PID1: variants seen among roughly 807,000 people sequenced by gnomAD.
PID1 encodes phosphotyrosine interaction domain containing 1.
In PID1, 10 loss-of-function variants were observed where a neutral mutation model predicts 19.1. That is an observed-to-expected ratio of 0.52 (90% confidence interval 0.32 to 0.89). The LOEUF is 0.89. PID1 is among the 40% of genes least tolerant of loss of function. The pLI is 0.03. For missense variants in PID1, 248 were observed against 285.3 expected (o/e 0.87, Z 0.94); for synonymous variants, 130 against 116.0 (o/e 1.12, Z -0.78).
intron 2 of PID1, among the ~76,000 whole-genome samples, chr2:229,102,457 C>T (rs149089290): frequency 6.6e-6 from 1 of 152,252 alleles, no homozygotes; most frequent in East Asian, 1.9e-4. Context: ...AGAGGAAGAA[C>T]CATGTGGGCC....
intron 1 of PID1, among the ~76,000 whole-genome samples, chr2:229,157,801 C>T (rs918266233): frequency 6.6e-6 from 1 of 152,168 alleles, no homozygotes. Flanking sequence ...CATCCTTTCC[C>T]GCTTGTATTA....
intron 1 of PID1, among the ~76,000 whole-genome samples, chr2:229,191,149 T>C (rs1380321448): frequency 3.3e-5 from 5 of 152,164 alleles, no homozygotes; most frequent in Non-Finnish European, 5.9e-5. Context: ...CCTGGATGTA[T>C]TGGGTGTGTA....
At chr2:229,031,344 G>A (rs1043959188) in intron 2 of PID1, among the ~76,000 whole-genome samples, 4 of 152,078 alleles carry the variant, frequency 2.6e-5, no homozygotes, top group African/African-American at 9.6e-5. Flanking sequence ...GATCACTTGA[G>A]GTCAGGAGTT....
intron 2 of PID1, among the ~76,000 whole-genome samples, chr2:229,128,336 T>G (rs912564479): frequency 2.6e-5 from 4 of 152,246 alleles, no homozygotes; most frequent in African/African-American, 4.8e-5. Flanking sequence ...TTGGTCCAAA[T>G]AGTGACACTG....
chr2:229,256,667 T>C (rs1473629003), intron 1 of PID1, among the ~76,000 whole-genome samples: 1 of 152,214 alleles, frequency 6.6e-6, no homozygotes, highest in Admixed American at 6.5e-5. Context: ...GGACACACTT[T>C]GGGAAACAGC....
chr2:229,252,173 C>T (rs1443189294), intron 1 of PID1, among the ~76,000 whole-genome samples: 1 of 151,970 alleles, frequency 6.6e-6, no homozygotes, highest in African/African-American at 2.4e-5. Flanking sequence ...CAGCAGTTAG[C>T]AAGAGAGTTC....
chr2:229,069,740 G>A (rs1694414322), intron 2 of PID1, among the ~76,000 whole-genome samples: 1 of 152,144 alleles, frequency 6.6e-6, no homozygotes, highest in Non-Finnish European at 1.5e-5. Flanking sequence ...GTACAAACAG[G>A]TGTCATCCAA....
intron 1 of PID1, chr2:229,262,765 G>A (rs1326829932): frequency 1.2e-5 from 18 of 1,551,530 alleles, no homozygotes; most frequent in East Asian, 4.9e-5. Context: ...ACATGTCCTC[G>A]ACTCTTCTAA....
intron 1 of PID1, among the ~76,000 whole-genome samples, chr2:229,223,114 T>G (rs1221527968): frequency 1.3e-5 from 2 of 152,194 alleles, no homozygotes; most frequent in African/African-American, 4.8e-5. Flanking sequence ...GGTCAAAGTA[T>G]GTAGAAATTT....
chr2:229,071,834 A>C (rs913383933), intron 2 of PID1, among the ~76,000 whole-genome samples: 21 of 152,196 alleles, frequency 1.4e-4, no homozygotes, highest in African/African-American at 4.8e-4. Flanking sequence ...AGAAACAATG[A>C]CTCATTCTAT....
intron 1 of PID1, among the ~76,000 whole-genome samples, chr2:229,171,587 T>G: frequency 6.6e-6 from 1 of 152,324 alleles, no homozygotes; most frequent in Middle Eastern, 3.4e-3. Context: ...TGTGCAATAA[T>G]TCATACTTTC....
At chr2:229,042,020 T>G (rs1399984172) in intron 2 of PID1, among the ~76,000 whole-genome samples, 1 of 152,184 alleles carries the variant, frequency 6.6e-6, no homozygotes, top group Non-Finnish European at 1.5e-5. Flanking sequence ...GATTATAAAA[T>G]AGTATTGTAT....
intron 2 of PID1, among the ~76,000 whole-genome samples, chr2:229,102,489 G>T (rs993406233): frequency 1.2e-4 from 18 of 152,150 alleles, no homozygotes; most frequent in Admixed American, 9.8e-4. Context: ...GGAGGAAAGC[G>T]AGACTTAAGC....
At chr2:229,039,331 G>A (rs1211759205) in intron 2 of PID1, among the ~76,000 whole-genome samples, 1 of 152,068 alleles carries the variant, frequency 6.6e-6, no homozygotes, top group Admixed American at 6.6e-5. Context: ...AAATAGAAGG[G>A]CTATTAAAGT....
intron 1 of PID1, among the ~76,000 whole-genome samples, chr2:229,193,743 A>C (rs1393544626): frequency 2.0e-5 from 3 of 151,726 alleles, no homozygotes; most frequent in Non-Finnish European, 4.4e-5. Context: ...TATATACTTA[A>C]TAGTATGTAC....
intron 1 of PID1, 122 bp from the exon 2 acceptor site, chr2:229,156,086 A>C: frequency 1.3e-6 from 1 of 797,178 alleles, no homozygotes; most frequent in South Asian, 1.8e-5. Context: ...GGAGGCCAAG[A>C]GATATTTAGT....
chr2:229,204,238 C>T (rs566013798), intron 1 of PID1, among the ~76,000 whole-genome samples: 7 of 151,928 alleles, frequency 4.6e-5, no homozygotes, highest in East Asian at 1.9e-4. Context: ...TTATAGAGAG[C>T]GTGACAAGCA....
intron 1 of PID1, among the ~76,000 whole-genome samples, chr2:229,262,471 AACTCAC>A (rs1405352906): frequency 1.3e-5 from 2 of 152,124 alleles, no homozygotes; most frequent in East Asian, 3.8e-4. Flanking sequence ...ACAGTAGATA[AACTCAC>A]ACTCGGTATT....
rs372425624 is a variant in PID1 at position 229,168,403 on chromosome 2, A to G, written c.31-12439T>C. 2.0e-4 allele frequency among the ~76,000 whole-genome samples: 31 copies of G among 152,168 alleles called. No individual in the cohort carries two copies. The South Asian group carries it at 5.0e-3, about 24-fold the overall frequency. On this transcript the variant is annotated intron_variant, in intron 1 of 2. Transcript: ENST00000392055. ...CAGTTTGGGTAATTTCTCTTGACCT[A>G]TATTCAAGTTTACTTATTTTTCCTC...
Sources: gnomAD v4.1 joint callset for allele counts (sites outside exome capture counted in the v4.1 genomes callset) on GRCh38, gnomAD v4.1.1 for gene constraint, MANE v1.5 for transcripts, NCBI Gene and HGNC (gene_info 2026-07-23, HGNC 2026-07-21) for gene names.